ANO6: variants seen among roughly 807,000 people sequenced by gnomAD.
The protein encoded by ANO6 is anoctamin-6.
A neutral mutation model predicts 117.5 loss-of-function variants in ANO6; 106 were observed. The ratio of observed to expected loss-of-function variants is 0.90; its 90% CI spans 0.77 to 1.06. The LOEUF (loss-of-function observed/expected upper bound fraction) is 1.06, where lower values mean the gene tolerates loss of function less well. Ranked by LOEUF, ANO6 falls within the 50% of genes least tolerant of loss-of-function variation. The probability of loss-of-function intolerance (pLI) is 0.00; values close to 1 mark genes in which losing one functional copy is unlikely to be tolerated. For synonymous variants in ANO6, 367 were observed against 385.1 expected (o/e 0.95, Z 0.55); for missense variants, 955 against 1,121.1 (o/e 0.85, Z 2.12).
intron 1 of ANO6, chr12:45,256,844 T>C (rs547053219): frequency 6.6e-6 from 1 of 152,340 alleles, no homozygotes; most frequent in South Asian, 2.1e-4. Flanking sequence ...TTGGGTGTAC[T>C]GAGCAGAAAA....
intron 1 of ANO6, among the ~76,000 whole-genome samples, chr12:45,246,702 G>A (rs12322294): frequency 0.033 from 4,949 of 151,390 alleles, 241 homozygotes; most frequent in African/African-American, 0.11. Context: ...ATTTGGATGT[G>A]TCCCTGCTTC....
intron 1 of ANO6, among the ~76,000 whole-genome samples, chr12:45,298,405 T>G (rs1375531464): frequency 6.6e-6 from 1 of 152,238 alleles, no homozygotes; most frequent in Non-Finnish European, 1.5e-5. Flanking sequence ...AAACCCTCAG[T>G]CACCTTGATT....
downstream of ANO6, among the ~76,000 whole-genome samples, chr12:45,434,275 G>T (rs1244788095): frequency 6.6e-6 from 1 of 152,120 alleles, no homozygotes; most frequent in Admixed American, 6.5e-5. Flanking sequence ...TGTCATTGTC[G>T]CTTGAGGTGA....
chr12:45,272,012 A>G (rs891482734), intron 1 of ANO6, among the ~76,000 whole-genome samples: 6 of 152,180 alleles, frequency 3.9e-5, no homozygotes, highest in African/African-American at 1.2e-4. Flanking sequence ...TAAAGTCACC[A>G]TATATCATGG....
chr12:45,248,682 T>C (rs193193927), intron 1 of ANO6, among the ~76,000 whole-genome samples: 476 of 152,136 alleles, frequency 3.1e-3, no homozygotes, highest in African/African-American at 9.2e-3. Context: ...CTTCCCAAAG[T>C]GCTGGGATTA....
At chr12:45,251,746 G>A (rs1000458337) in intron 1 of ANO6, among the ~76,000 whole-genome samples, 2 of 152,186 alleles carry the variant, frequency 1.3e-5, no homozygotes, top group African/African-American at 4.8e-5. Context: ...AATGAGAGGA[G>A]TTTTAAAGGC....
intron 16 of ANO6, 21 bp from the exon 17 acceptor site, chr12:45,416,678 G>A (rs775161148): frequency 3.7e-6 from 6 of 1,608,316 alleles, no homozygotes; most frequent in East Asian, 2.2e-5. Context: ...ACTCCATGAT[G>A]TGTGTCCATT....
intron 1 of ANO6, among the ~76,000 whole-genome samples, chr12:45,277,085 T>C (rs376184378): frequency 6.6e-6 from 1 of 152,178 alleles, no homozygotes. Flanking sequence ...GCATTATCTA[T>C]TGATGCAGAA....
At chr12:45,234,113 C>T (rs1432174981) in intron 1 of ANO6, among the ~76,000 whole-genome samples, 4 of 152,294 alleles carry the variant, frequency 2.6e-5, no homozygotes, top group African/African-American at 9.6e-5. Context: ...TCTCTTTAAG[C>T]AGTTCACATA....
chr12:45,422,424 T>A (rs535255766), intron 18 of ANO6, among the ~76,000 whole-genome samples: 1 of 152,174 alleles, frequency 6.6e-6, no homozygotes, highest in East Asian at 1.9e-4. Flanking sequence ...TGGATTCTTT[T>A]CTACAAAGAT....
chr12:45,382,781 TAAA>T (rs1220056795), intron 10 of ANO6, among the ~76,000 whole-genome samples: 1 of 152,216 alleles, frequency 6.6e-6, no homozygotes, highest in Non-Finnish European at 1.5e-5. Flanking sequence ...ATACCTTAAT[TAAA>T]AAATACTTTA....
At chr12:45,273,888 G>A (rs1302111846) in intron 1 of ANO6, among the ~76,000 whole-genome samples, 2 of 152,186 alleles carry the variant, frequency 1.3e-5, no homozygotes, top group Non-Finnish European at 2.9e-5. Flanking sequence ...GGTAAGGAAT[G>A]TTATCACAGA....
At chr12:45,369,443 C>T (rs1941766340) in intron 9 of ANO6, among the ~76,000 whole-genome samples, 1 of 152,110 alleles carries the variant, frequency 6.6e-6, no homozygotes, top group East Asian at 1.9e-4. Flanking sequence ...TTCTTCTGCT[C>T]CACCTACCCT....
At chr12:45,432,357 G>T (rs1592061260), downstream of ANO6, 8 of 803,272 alleles carry the variant, frequency 1.0e-5, no homozygotes, top group Non-Finnish European at 1.2e-5. Flanking sequence ...CAATAGTATG[G>T]TCTATTCTAT....
intron 1 of ANO6, among the ~76,000 whole-genome samples, chr12:45,248,820 A>T (rs1255677831): frequency 1.3e-5 from 2 of 152,214 alleles, no homozygotes; most frequent in African/African-American, 2.4e-5. Flanking sequence ...TGTGCTACTA[A>T]ATAGTAGATG....
At chr12:45,325,385 C>T (rs1592968631) in intron 2 of ANO6, among the ~76,000 whole-genome samples, 1 of 152,160 alleles carries the variant, frequency 6.6e-6, no homozygotes, top group East Asian at 1.9e-4. Context: ...GATATTAAGT[C>T]CATAGTGGAT....
chr12:45,295,478 A>G (rs1939258013), intron 1 of ANO6, among the ~76,000 whole-genome samples: 1 of 152,238 alleles, frequency 6.6e-6, no homozygotes, highest in South Asian at 2.1e-4. Flanking sequence ...GGGCAGGCCC[A>G]GCAATCTGGA....
At chr12:45,333,633 G>A (rs191003044) in intron 3 of ANO6, among the ~76,000 whole-genome samples, 1 of 152,062 alleles carries the variant, frequency 6.6e-6, no homozygotes, top group Admixed American at 6.6e-5. Context: ...TTGAACTCAT[G>A]GATTGATATA....
chr12:45,296,319 G>A (rs139009297), intron 1 of ANO6, among the ~76,000 whole-genome samples: 57 of 152,160 alleles, frequency 3.7e-4, no homozygotes, highest in African/African-American at 1.4e-3. Context: ...CTTTAGTTGC[G>A]TACGTTGACT....
Sources: allele counts gnomAD v4.1 joint callset (sites outside exome capture counted in the v4.1 genomes callset), GRCh38; gene constraint gnomAD v4.1.1; transcripts MANE v1.5; gene names NCBI Gene and HGNC (gene_info 2026-07-23, HGNC 2026-07-21).